Variants in SPATA45 observed in about 807,000 individuals in gnomAD.
The protein encoded by SPATA45 is spermatogenesis-associated protein 45.
In SPATA45, 5 loss-of-function variants were observed where a neutral mutation model predicts 7.0. The observed-to-expected ratio is 0.71, with a 90% confidence interval of 0.37 to 1.50. The LOEUF is 1.50. Ranked by LOEUF, SPATA45 falls within the 40% of genes most tolerant of loss-of-function variation. SPATA45 has a pLI of 0.03. For synonymous variants in SPATA45, 40 were observed against 38.7 expected (o/e 1.03, Z -0.13); for missense variants, 111 against 114.9 (o/e 0.97, Z 0.16).
intron 1 of SPATA45, among the ~76,000 whole-genome samples, chr1:212,845,854 T>C (rs115370728): frequency 0.023 from 3,489 of 152,202 alleles, 63 homozygotes; most frequent in South Asian, 0.041. Context: ...CCTCCACTTA[T>C]TCACTGCTAA....
intron 1 of SPATA45, among the ~76,000 whole-genome samples, chr1:212,840,928 C>T (rs1029653866): frequency 1.3e-5 from 2 of 151,960 alleles, no homozygotes; most frequent in East Asian, 3.9e-4. Flanking sequence ...CCGCGCTCAC[C>T]TTTTAAATTC....
chr1:212,836,685 G>C (rs1663591968), intron 1 of SPATA45, among the ~76,000 whole-genome samples: 1 of 150,648 alleles, frequency 6.6e-6, no homozygotes, highest in African/African-American at 2.4e-5. Flanking sequence ...GTCTCACTCT[G>C]TTGCCAAGGC....
At chr1:212,831,033 G>A (rs12406499) in intron 2 of SPATA45, among the ~76,000 whole-genome samples, 8,752 of 151,356 alleles carry the variant, frequency 0.058, 531 homozygotes, top group East Asian at 0.14. Flanking sequence ...CAGCTACTCT[G>A]GAGGCTGAGG....
At chr1:212,847,186 C>T (rs771609976) in intron 1 of SPATA45, among the ~76,000 whole-genome samples, 19 of 152,170 alleles carry the variant, frequency 1.2e-4, no homozygotes, top group Non-Finnish European at 2.5e-4. Flanking sequence ...CAACTGTGCC[C>T]AGCCCAGGTT....
intron 2 of SPATA45, among the ~76,000 whole-genome samples, chr1:212,835,254 T>C (rs1227480300): frequency 1.3e-5 from 2 of 151,712 alleles, no homozygotes; most frequent in Non-Finnish European, 2.9e-5. Context: ...CCGGGCACGG[T>C]GGCTCACGCC....
At chr1:212,842,734 A>G (rs1214008036) in intron 1 of SPATA45, among the ~76,000 whole-genome samples, 6 of 152,072 alleles carry the variant, frequency 3.9e-5, no homozygotes, top group Non-Finnish European at 8.8e-5. Context: ...ACACTTTGGG[A>G]GGCCTAGGCA....
At chr1:212,832,311 A>G (rs1389619994) in intron 2 of SPATA45, among the ~76,000 whole-genome samples, 1 of 140,146 alleles carries the variant, frequency 7.1e-6, no homozygotes, top group Admixed American at 7.3e-5. Context: ...GCTGAAATGT[A>G]CTATTTTTTA....
intron 1 of SPATA45, among the ~76,000 whole-genome samples, chr1:212,842,455 A>C (rs1261662443): frequency 1.3e-5 from 2 of 152,218 alleles, no homozygotes; most frequent in African/African-American, 4.8e-5. Context: ...TCTTAGTTAA[A>C]AGTTCACCAT....
intron 1 of SPATA45, among the ~76,000 whole-genome samples, chr1:212,838,067 G>A (rs531813911): frequency 1.3e-5 from 2 of 151,662 alleles, no homozygotes; most frequent in South Asian, 2.1e-4. Context: ...TTGGGAGGCC[G>A]AGGTGTATGG....
chr1:212,840,967 A>T (rs1663671390), intron 1 of SPATA45, among the ~76,000 whole-genome samples: 1 of 151,456 alleles, frequency 6.6e-6, no homozygotes, highest in Admixed American at 6.6e-5. Context: ...TTTGAGGCGG[A>T]GTCTCTCTCT....
At chr1:212,834,012 A>C (rs1571989674) in intron 2 of SPATA45, among the ~76,000 whole-genome samples, 1 of 151,486 alleles carries the variant, frequency 6.6e-6, no homozygotes, top group Non-Finnish European at 1.5e-5. Flanking sequence ...GCCTCCCAAA[A>C]TGCTAGGATT....
intron 1 of SPATA45, among the ~76,000 whole-genome samples, chr1:212,843,575 T>C (rs937444998): frequency 5.3e-5 from 8 of 152,230 alleles, no homozygotes; most frequent in Non-Finnish European, 1.2e-4. Context: ...ATAAAAATGC[T>C]GGACCCTTTA....
chr1:212,834,899 T>C (rs1229924317), intron 2 of SPATA45, among the ~76,000 whole-genome samples: 2 of 151,646 alleles, frequency 1.3e-5, no homozygotes, highest in Admixed American at 1.3e-4. Context: ...ATTGTAACTA[T>C]TATAACAACT....
intron 1 of SPATA45, among the ~76,000 whole-genome samples, chr1:212,842,561 C>T (rs557232168): frequency 6.6e-6 from 1 of 152,136 alleles, no homozygotes; most frequent in Non-Finnish European, 1.5e-5. Context: ...GTGGTACAAG[C>T]ATATTTTTTA....
intron 1 of SPATA45, among the ~76,000 whole-genome samples, chr1:212,839,434 T>C (rs1255189595): frequency 2.0e-5 from 3 of 150,932 alleles, no homozygotes. Context: ...CTAAGCAATA[T>C]AATGAGACCT....
intron 1 of SPATA45, among the ~76,000 whole-genome samples, chr1:212,840,365 G>A (rs1281495928): frequency 6.6e-6 from 1 of 152,206 alleles, no homozygotes; most frequent in South Asian, 2.1e-4. Flanking sequence ...AGCGGAGATC[G>A]TTCCATTGCA....
At chr1:212,840,025 C>T (rs1663651056) in intron 1 of SPATA45, among the ~76,000 whole-genome samples, 1 of 151,738 alleles carries the variant, frequency 6.6e-6, no homozygotes, top group African/African-American at 2.4e-5. Flanking sequence ...GAGAATTTTT[C>T]ATGTCTTTAC....
At chr1:212,841,903 G>A (rs1663694423) in intron 1 of SPATA45, among the ~76,000 whole-genome samples, 1 of 151,592 alleles carries the variant, frequency 6.6e-6, no homozygotes, top group African/African-American at 2.4e-5. Flanking sequence ...GATTACAGGT[G>A]TGCACCACCA....
intron 1 of SPATA45, among the ~76,000 whole-genome samples, chr1:212,838,714 A>T (rs1334825398): frequency 6.6e-6 from 1 of 151,186 alleles, no homozygotes; most frequent in Non-Finnish European, 1.5e-5. Flanking sequence ...TTATTTATTT[A>T]TTTTTGAGAC....
Sources: gnomAD v4.1 joint callset for allele counts (sites outside exome capture counted in the v4.1 genomes callset) on GRCh38, gnomAD v4.1.1 for gene constraint, MANE v1.5 for transcripts, NCBI Gene and HGNC (gene_info 2026-07-23, HGNC 2026-07-21) for gene names.